Variants in CNTNAP2 observed in about 807,000 individuals in gnomAD.
CNTNAP2 encodes the protein contactin-associated protein-like 2.
In CNTNAP2, 98 loss-of-function variants were observed where a neutral mutation model predicts 155.2. The observed-to-expected ratio is 0.63, with a 90% confidence interval of 0.54 to 0.75. The LOEUF is 0.75. Ranked by LOEUF, CNTNAP2 falls within the 30% of genes least tolerant of loss-of-function variation. CNTNAP2 has a pLI of 0.00. For synonymous variants in CNTNAP2, 651 were observed against 631.2 expected (o/e 1.03, Z -0.47); for missense variants, 1,727 against 1,688.1 (o/e 1.02, Z -0.40).
chr7:146,898,950 A>T (rs1795937179), intron 3 of CNTNAP2, among the ~76,000 whole-genome samples: 1 of 152,004 alleles, frequency 6.6e-6, no homozygotes, highest in African/African-American at 2.4e-5. Context: ...GATTTTTGTC[A>T]AATTTACCTG....
chr7:146,714,124 C>T (rs1176098710), intron 1 of CNTNAP2, among the ~76,000 whole-genome samples: 9 of 152,124 alleles, frequency 5.9e-5, no homozygotes, highest in Admixed American at 5.9e-4. Flanking sequence ...CATATAGAAA[C>T]TCCACATGAA....
intron 1 of CNTNAP2, among the ~76,000 whole-genome samples, chr7:146,340,256 G>C (rs1801357334): frequency 6.8e-6 from 1 of 148,126 alleles, no homozygotes; most frequent in Non-Finnish European, 1.5e-5. Flanking sequence ...CAGGAGACAG[G>C]ATAACCTTTT....
intron 13 of CNTNAP2, among the ~76,000 whole-genome samples, chr7:147,899,364 A>G (rs1799825627): frequency 6.6e-6 from 1 of 152,078 alleles, no homozygotes; most frequent in Non-Finnish European, 1.5e-5. Flanking sequence ...AATATAAAGT[A>G]GTCAAATCAT....
chr7:146,546,884 C>A (rs1343210995), intron 1 of CNTNAP2, among the ~76,000 whole-genome samples: 3 of 151,900 alleles, frequency 2.0e-5, no homozygotes, highest in Non-Finnish European at 4.4e-5. Flanking sequence ...CCACTGGGTC[C>A]CTCCCATGAT....
intron 14 of CNTNAP2, among the ~76,000 whole-genome samples, chr7:147,919,064 A>C (rs183449747): frequency 6.6e-6 from 1 of 152,168 alleles, no homozygotes; most frequent in Admixed American, 6.5e-5. Context: ...TGATGACAGT[A>C]GTAGGCTCAG....
chr7:147,223,939 CAA>C (rs571724956), intron 8 of CNTNAP2, among the ~76,000 whole-genome samples: 24 of 45,774 alleles, frequency 5.2e-4, no homozygotes, highest in Admixed American at 1.7e-3. Context: ...GACTCAATCT[CAA>C]AAAAAAAAAA....
At chr7:146,542,844 T>A (rs955047785) in intron 1 of CNTNAP2, among the ~76,000 whole-genome samples, 1 of 151,924 alleles carries the variant, frequency 6.6e-6, no homozygotes, top group African/African-American at 2.4e-5. Flanking sequence ...TGGAGTGAAG[T>A]TAATGATATC....
intron 14 of CNTNAP2, among the ~76,000 whole-genome samples, chr7:147,943,842 C>T (rs965249044): frequency 3.6e-5 from 5 of 140,102 alleles, no homozygotes; most frequent in Admixed American, 2.2e-4. Context: ...AGTCTGCTTA[C>T]TCTTACAAGT....
At chr7:146,439,841 C>T (rs1010145331) in intron 1 of CNTNAP2, among the ~76,000 whole-genome samples, 1 of 151,466 alleles carries the variant, frequency 6.6e-6, no homozygotes, top group Non-Finnish European at 1.5e-5. Flanking sequence ...TAATCTCTCT[C>T]GGATAGGCGT....
intron 8 of CNTNAP2, among the ~76,000 whole-genome samples, chr7:147,250,416 G>A (rs985343493): frequency 9.9e-5 from 15 of 152,112 alleles, no homozygotes; most frequent in African/African-American, 3.6e-4. Context: ...TGGAGATTCC[G>A]AAGTGGCTCT....
intron 22 of CNTNAP2, among the ~76,000 whole-genome samples, chr7:148,403,957 C>T (rs901436821): frequency 6.6e-6 from 1 of 152,166 alleles, no homozygotes; most frequent in African/African-American, 2.4e-5. Context: ...TAACAATAAC[C>T]AAAGTCCAGC....
chr7:148,065,915 G>C (rs184028559), intron 15 of CNTNAP2, among the ~76,000 whole-genome samples: 199 of 152,120 alleles, frequency 1.3e-3, no homozygotes, highest in African/African-American at 4.6e-3. Flanking sequence ...TTCTATTTTG[G>C]TGTATTTCAA....
chr7:146,645,369 A>G (rs1799793222), intron 1 of CNTNAP2, among the ~76,000 whole-genome samples: 1 of 152,154 alleles, frequency 6.6e-6, no homozygotes, highest in Admixed American at 6.6e-5. Flanking sequence ...TAACTAGTAG[A>G]TTACATATAA....
At chr7:147,929,401 C>T (rs1379167725) in intron 14 of CNTNAP2, among the ~76,000 whole-genome samples, 2 of 152,134 alleles carry the variant, frequency 1.3e-5, no homozygotes, top group African/African-American at 4.8e-5. Context: ...TACCATCTAA[C>T]GCTGCCTCTT....
At chr7:147,709,946 A>G (rs1341837047) in intron 13 of CNTNAP2, among the ~76,000 whole-genome samples, 1 of 152,052 alleles carries the variant, frequency 6.6e-6, no homozygotes, top group Non-Finnish European at 1.5e-5. Flanking sequence ...TGTGTCTTTG[A>G]AATCTTTTGC....
intron 1 of CNTNAP2, among the ~76,000 whole-genome samples, chr7:146,163,075 G>A (rs982299401): frequency 2.0e-5 from 3 of 152,092 alleles, no homozygotes; most frequent in Admixed American, 6.5e-5. Context: ...GTTAACGGGT[G>A]CAGCACACCA....
intron 21 of CNTNAP2, among the ~76,000 whole-genome samples, chr7:148,320,670 C>T (rs754043048): frequency 1.3e-4 from 20 of 152,120 alleles, no homozygotes; most frequent in Non-Finnish European, 2.8e-4. Flanking sequence ...AGGCGTGAGC[C>T]ACCACACCCA....
intron 8 of CNTNAP2, among the ~76,000 whole-genome samples, chr7:147,158,649 A>G (rs1801970357): frequency 6.6e-6 from 1 of 152,074 alleles, no homozygotes; most frequent in Non-Finnish European, 1.5e-5. Context: ...TGTGTCTCAG[A>G]GTGATTTTTC....
intron 1 of CNTNAP2, among the ~76,000 whole-genome samples, chr7:146,378,587 T>A (rs1563061197): frequency 6.6e-6 from 1 of 152,126 alleles, no homozygotes; most frequent in African/African-American, 2.4e-5. Flanking sequence ...ATAATTTCCT[T>A]AAGATCAACC....
Sources: allele counts gnomAD v4.1 joint callset (sites outside exome capture counted in the v4.1 genomes callset), GRCh38; gene constraint gnomAD v4.1.1; transcripts MANE v1.5; gene names NCBI Gene and HGNC (gene_info 2026-07-23, HGNC 2026-07-21).